WASF2: variants seen among roughly 807,000 people sequenced by gnomAD.
WASF2 encodes actin-binding protein WASF2.
A neutral mutation model predicts 45.0 loss-of-function variants in WASF2; 14 were observed. The ratio of observed to expected loss-of-function variants is 0.31; its 90% CI spans 0.21 to 0.49. The LOEUF is 0.49. Among genes scored for constraint, WASF2 ranks in the 20% least tolerant of loss-of-function variants. The probability of loss-of-function intolerance (pLI) is 0.99; values close to 1 mark genes in which losing one functional copy is unlikely to be tolerated. For missense variants in WASF2, 439 were observed against 636.1 expected (o/e 0.69, Z 3.33); for synonymous variants, 200 against 236.3 (o/e 0.85, Z 1.41).
At position 27,406,838 on chromosome 1, in the gene WASF2, A is replaced by G. The variant is rs1436513026; in HGVS notation, c.*1351T>C. On this transcript the variant is annotated 3_prime_UTR_variant, in exon 9 of 9. Transcript: ENST00000618852. ...CCCCCACCCCCAGGCAGGTACTGGC[A>G]TGGCTGCCAGCCTGAGGGACTGAAG... The G allele has an allele frequency of 6.6e-6, 1 of 152,246 alleles. No individual in the cohort carries two copies. The highest frequency in any genetic ancestry group is 2.4e-5 in the African/African-American group (1 of 41,450). The allele number at this position is 152,246 out of a possible 1,614,324, so 9.4% of individuals were successfully genotyped here.
intron 8 of WASF2, among the ~76,000 whole-genome samples, chr1:27,408,775 G>T (rs754067656): frequency 6.7e-6 from 1 of 148,378 alleles, no homozygotes; most frequent in Non-Finnish European, 1.5e-5. Context: ...CCTGGCCCCT[G>T]ATAGAATAAA....
intron 2 of WASF2, among the ~76,000 whole-genome samples, chr1:27,421,659 T>C (rs1246553526): frequency 6.6e-6 from 1 of 151,640 alleles, no homozygotes; most frequent in Non-Finnish European, 1.5e-5. Flanking sequence ...CTACTAATAA[T>C]ACAAAAATGA....
At chr1:27,477,401 G>A (rs1054208866) in intron 1 of WASF2, among the ~76,000 whole-genome samples, 8 of 152,156 alleles carry the variant, frequency 5.3e-5, no homozygotes, top group Middle Eastern at 3.4e-3. Context: ...TTAGCTGGGC[G>A]TGTTGACACA....
At chr1:27,428,728 G>T (rs1405651425) in intron 2 of WASF2, 33 bp downstream of exon 2, 1 of 1,614,024 alleles carries the variant, frequency 6.2e-7, no homozygotes, top group South Asian at 1.1e-5. Context: ...AACGACCCCT[G>T]AGGGCAAAGC....
At position 27,414,949 on chromosome 1, in the gene WASF2, ATCTT is replaced by A; in HGVS notation, c.548_551del (p.Lys183IlefsTer8). On this transcript the variant is annotated frameshift_variant, in exon 6 of 9. Transcript: ENST00000618852. LOFTEE classifies it high-confidence loss of function. The surrounding 1 kb of genome is among the most constrained non-coding windows in gnomAD (Gnocchi z 4.1). ...GGTTTACATTCCCTCGATTTGGATT[ATCTT>A]TCTTTTCTTTCTATAATGAAAAGGA... The A allele has an allele frequency of 6.2e-7, 1 of 1,614,144 alleles. No individual in the cohort carries two copies. Among genetic ancestry groups the A allele is most frequent in the Non-Finnish European group, 8.5e-7 (1 of 1,179,996 alleles).
chr1:27,479,018 G>A (rs1326796918), intron 1 of WASF2, among the ~76,000 whole-genome samples: 3 of 152,086 alleles, frequency 2.0e-5, no homozygotes, highest in African/African-American at 7.2e-5. Context: ...CGGGTGTGGT[G>A]GCTCACGCCT....
At chr1:27,483,596 C>T (rs1421192329) in intron 1 of WASF2, among the ~76,000 whole-genome samples, 1 of 151,990 alleles carries the variant, frequency 6.6e-6, no homozygotes, top group African/African-American at 2.4e-5. Flanking sequence ...GCCGAGATCA[C>T]GCCACTGCAC....
At position 27,410,461 on chromosome 1, in the gene WASF2, GA is replaced by G. The variant is rs1353521596; in HGVS notation, c.825-256del. 6.6e-6 allele frequency among the ~76,000 whole-genome samples: 1 copy of G among 152,188 alleles called. No individual in the cohort carries two copies. Among genetic ancestry groups the G allele is most frequent in the Non-Finnish European group, 1.5e-5 (1 of 68,028 alleles). On this transcript the variant is annotated intron_variant, in intron 7 of 8. Coordinates refer to ENST00000618852, the MANE Select transcript of WASF2 (RefSeq NM_006990.5). The surrounding 1 kb of genome is among the most constrained non-coding windows in gnomAD (Gnocchi z 4.2). Reference sequence around the variant, plus strand: ...AACTACCTGCAAGAAGTGGACTTGAGATTCCTCTATCAGGTACAGGCTAGCT... The same window carrying G: ...AACTACCTGCAAGAAGTGGACTTGAGTTCCTCTATCAGGTACAGGCTAGCT...
intron 1 of WASF2, among the ~76,000 whole-genome samples, chr1:27,441,677 C>T (rs1201926839): frequency 3.5e-5 from 5 of 141,760 alleles, no homozygotes; most frequent in Non-Finnish European, 7.5e-5. Flanking sequence ...TGGCGGGAAC[C>T]TGGGAGGCGG....
chr1:27,422,062 ACACCAAGAGT>A (rs1400285210), intron 2 of WASF2, among the ~76,000 whole-genome samples: 2 of 151,896 alleles, frequency 1.3e-5, no homozygotes, highest in Admixed American at 1.3e-4. Flanking sequence ...CAATCAACTT[ACACCAAGAGT>A]CACCAAGAGT....
At chr1:27,430,712 C>T (rs924136485) in intron 1 of WASF2, among the ~76,000 whole-genome samples, 3 of 151,806 alleles carry the variant, frequency 2.0e-5, no homozygotes, top group African/African-American at 7.3e-5. Context: ...GATCACAGCT[C>T]ACTACATTCT....
At chr1:27,446,491 A>G (rs909329077) in intron 1 of WASF2, among the ~76,000 whole-genome samples, 1 of 152,172 alleles carries the variant, frequency 6.6e-6, no homozygotes, top group Non-Finnish European at 1.5e-5. Flanking sequence ...AGACAACTCC[A>G]AGACAAAATT....
chr1:27,417,797 C>A (rs917234246), intron 4 of WASF2, among the ~76,000 whole-genome samples: 1 of 152,208 alleles, frequency 6.6e-6, no homozygotes, highest in African/African-American at 2.4e-5. Context: ...GGAAAGACCC[C>A]TTTGGGCCCA....
rs11548324 is a variant in WASF2, at chr1:27,406,416, C to T, written c.*1773G>A. 0.052 allele frequency: 7,922 copies of T among 153,068 alleles called. 288 individuals carry two copies. Among genetic ancestry groups the T allele is most frequent in the Middle Eastern group, 0.085 (25 of 294 alleles). 9.5% of individuals were successfully genotyped at this position (153,068 alleles called of 1,614,324 possible). A position where few individuals can be genotyped will look rare whatever the true frequency, so the allele number is the denominator to read the frequency against. On this transcript the variant is annotated 3_prime_UTR_variant, in exon 9 of 9. Coordinates refer to ENST00000618852, the MANE Select transcript of WASF2 (RefSeq NM_006990.5). ...TCCAGGAAAGAAGGCAGAGGAGAAG[C>T]GGCCAGCAAGGGCACAGAGGCAGAA...
intron 1 of WASF2, among the ~76,000 whole-genome samples, chr1:27,432,292 A>G (rs1211237498): frequency 6.6e-6 from 1 of 151,954 alleles, no homozygotes; most frequent in Non-Finnish European, 1.5e-5. Flanking sequence ...CTTGGGGGCA[A>G]TTTTCCTAGA....
At chr1:27,449,677 G>A (rs2017357580) in intron 1 of WASF2, among the ~76,000 whole-genome samples, 1 of 152,078 alleles carries the variant, frequency 6.6e-6, no homozygotes, top group African/African-American at 2.4e-5. Context: ...CAAAGATAAG[G>A]ATAAGGAGGG....
intron 2 of WASF2, among the ~76,000 whole-genome samples, chr1:27,424,635 C>T (rs1325601658): frequency 6.6e-6 from 1 of 152,056 alleles, no homozygotes; most frequent in Admixed American, 6.6e-5. Flanking sequence ...AGCCTTGCAC[C>T]TCAGCCTTCC....
intron 1 of WASF2, among the ~76,000 whole-genome samples, chr1:27,488,371 A>C (rs2017975991): frequency 6.6e-6 from 1 of 152,246 alleles, no homozygotes; most frequent in African/African-American, 2.4e-5. Flanking sequence ...AAGCTTAATC[A>C]GAGGTGGGCT....
chr1:27,446,777 T>A, intron 1 of WASF2, among the ~76,000 whole-genome samples: 1 of 45,234 alleles, frequency 2.2e-5, no homozygotes, highest in East Asian at 1.0e-3. Context: ...TGAGAGCCTG[T>A]CTCCAAAAAA....
Sources: allele counts gnomAD v4.1 joint callset (sites outside exome capture counted in the v4.1 genomes callset), GRCh38; gene constraint gnomAD v4.1.1; non-coding constraint Gnocchi (gnomAD v3.1); transcripts MANE v1.5; gene names NCBI Gene and HGNC (gene_info 2026-07-23, HGNC 2026-07-21).